Variants in RASSF3 observed in about 807,000 individuals in gnomAD.
RASSF3 encodes Ras association domain family member 3, also known as ras association domain-containing protein 3.
RASSF3 carries 19 observed loss-of-function variants against 19.9 expected under a neutral mutation model. That is an observed-to-expected ratio of 0.96 (90% CI 0.67 to 1.40). The LOEUF (loss-of-function observed/expected upper bound fraction) is 1.40, where lower values mean the gene tolerates loss of function less well. RASSF3 is among the 40% of genes most tolerant of loss of function. The pLI is 0.00. For missense variants in RASSF3, 306 were observed against 289.8 expected (o/e 1.06, Z -0.41); for synonymous variants, 110 against 104.2 (o/e 1.06, Z -0.34).
intron 1 of RASSF3, among the ~76,000 whole-genome samples, chr12:64,537,723 T>C (rs994956307): frequency 6.6e-6 from 1 of 152,100 alleles, no homozygotes; most frequent in Non-Finnish European, 1.5e-5. Flanking sequence ...CATTTTAGAG[T>C]CCTCTCTTCC....
At chr12:64,601,974 G>A (rs901236090) in intron 2 of RASSF3, among the ~76,000 whole-genome samples, 18 of 151,174 alleles carry the variant, frequency 1.2e-4, no homozygotes, top group African/African-American at 1.9e-4. Flanking sequence ...AAAATTAGCC[G>A]GGCGTGGTGG....
intron 1 of RASSF3, among the ~76,000 whole-genome samples, chr12:64,636,289 A>T (rs1184575741): frequency 6.6e-6 from 1 of 151,782 alleles, no homozygotes; most frequent in Non-Finnish European, 1.5e-5. Context: ...TAATTTTTAT[A>T]TTTTTATTAG....
chr12:64,618,619 G>A (rs1025113662), intron 1 of RASSF3, among the ~76,000 whole-genome samples: 5 of 151,642 alleles, frequency 3.3e-5, no homozygotes, highest in Non-Finnish European at 5.9e-5. Context: ...GAGCCACCAC[G>A]CCCGGCCTTT....
At chr12:64,690,377 T>TCA (rs1377526828) in intron 3 of RASSF3, among the ~76,000 whole-genome samples, 2 of 151,782 alleles carry the variant, frequency 1.3e-5, no homozygotes, top group African/African-American at 4.8e-5. Flanking sequence ...AGACAGAGTT[T>TCA]CACCATGTTG....
chr12:64,604,197 C>A (rs539630116), intron 2 of RASSF3, among the ~76,000 whole-genome samples: 2 of 151,570 alleles, frequency 1.3e-5, no homozygotes, highest in East Asian at 3.9e-4. Context: ...CTGATCATGG[C>A]TCACTGTAGC....
At chr12:64,589,027 C>A (rs898807874) in intron 2 of RASSF3, among the ~76,000 whole-genome samples, 1 of 152,136 alleles carries the variant, frequency 6.6e-6, no homozygotes, top group Non-Finnish European at 1.5e-5. Flanking sequence ...ATAAGAAAAC[C>A]TGAAGGAAAC....
upstream of RASSF3, among the ~76,000 whole-genome samples, chr12:64,531,277 A>G (rs190560650): frequency 2.2e-4 from 34 of 152,326 alleles, no homozygotes; most frequent in Middle Eastern, 6.8e-3. Flanking sequence ...AGATATGAAT[A>G]TCTAATTGTC....
chr12:64,569,860 G>C (rs1025971368), intron 2 of RASSF3, among the ~76,000 whole-genome samples: 1 of 152,200 alleles, frequency 6.6e-6, no homozygotes, highest in Admixed American at 6.5e-5. Flanking sequence ...AGCTACTTGG[G>C]AGGCTGAGGC....
intron 2 of RASSF3, among the ~76,000 whole-genome samples, chr12:64,687,549 A>T (rs186859523): frequency 6.6e-6 from 1 of 151,158 alleles, no homozygotes; most frequent in East Asian, 1.9e-4. Context: ...ATCTTGGCTC[A>T]TTGCAACCTC....
chr12:64,661,940 CA>C (rs1261099595), intron 1 of RASSF3, among the ~76,000 whole-genome samples: 1 of 151,078 alleles, frequency 6.6e-6, no homozygotes, highest in Non-Finnish European at 1.5e-5. Flanking sequence ...CTCGGCCTCC[CA>C]AAGTACTGGA....
At chr12:64,668,110 A>G (rs1872583078) in intron 1 of RASSF3, among the ~76,000 whole-genome samples, 4 of 152,110 alleles carry the variant, frequency 2.6e-5, no homozygotes. Flanking sequence ...CATGGGGTTA[A>G]AATTTCTACC....
At chr12:64,584,877 T>TTC (rs1315684181) in intron 2 of RASSF3, among the ~76,000 whole-genome samples, 18 of 116,348 alleles carry the variant, frequency 1.5e-4, no homozygotes, top group Admixed American at 1.3e-3. Context: ...CACAGAAGGA[T>TTC]TCTTTTTTTT....
chr12:64,669,374 G>A (rs1872624780), intron 1 of RASSF3, among the ~76,000 whole-genome samples: 1 of 152,074 alleles, frequency 6.6e-6, no homozygotes, highest in African/African-American at 2.4e-5. Context: ...TTCCTCAGAT[G>A]TTCTGGATGA....
intron 2 of RASSF3, among the ~76,000 whole-genome samples, chr12:64,592,069 T>A (rs1869935309): frequency 6.6e-6 from 1 of 152,020 alleles, no homozygotes; most frequent in Admixed American, 6.6e-5. Context: ...CCTGGCTAAT[T>A]TTTGTAATTT....
At chr12:64,633,080 C>G (rs892206814) in intron 1 of RASSF3, among the ~76,000 whole-genome samples, 1 of 151,918 alleles carries the variant, frequency 6.6e-6, no homozygotes, top group African/African-American at 2.4e-5. Flanking sequence ...TTTTTCCTAT[C>G]AGGTTAAAAT....
chr12:64,640,366 C>T (rs776735995), intron 1 of RASSF3, among the ~76,000 whole-genome samples: 2 of 152,164 alleles, frequency 1.3e-5, no homozygotes, highest in Non-Finnish European at 2.9e-5. Flanking sequence ...AGTACCGTAT[C>T]ATTAACTATA....
chr12:64,565,142 T>C (rs2136127327), intron 2 of RASSF3, among the ~76,000 whole-genome samples: 1 of 146,518 alleles, frequency 6.8e-6, no homozygotes, highest in Non-Finnish European at 1.5e-5. Flanking sequence ...TAGTAGAAGG[T>C]AAACTACAAA....
At chr12:64,589,863 A>T (rs539314251) in intron 2 of RASSF3, among the ~76,000 whole-genome samples, 227 of 151,166 alleles carry the variant, frequency 1.5e-3, no homozygotes, top group African/African-American at 5.4e-3. Flanking sequence ...TTAGCTGGGC[A>T]TGGTGGCACG....
intron 2 of RASSF3, among the ~76,000 whole-genome samples, chr12:64,567,843 C>T (rs1034225505): frequency 6.6e-6 from 1 of 152,222 alleles, no homozygotes; most frequent in African/African-American, 2.4e-5. Flanking sequence ...TCTGTCCCTG[C>T]TGCCCAGGCA....
Sources: gnomAD v4.1 joint callset for allele counts (sites outside exome capture counted in the v4.1 genomes callset) on GRCh38, gnomAD v4.1.1 for gene constraint, MANE v1.5 for transcripts, NCBI Gene and HGNC (gene_info 2026-07-23, HGNC 2026-07-21) for gene names.